The following TUSC3 variants were observed in gnomAD, a reference collection of about 807,000 sequenced individuals.
TUSC3 encodes the protein tumor suppressor candidate 3.
In TUSC3, 45 loss-of-function variants were observed where a neutral mutation model predicts 44.8. The observed-to-expected ratio is 1.00, with a 90% CI of 0.79 to 1.29. The LOEUF (loss-of-function observed/expected upper bound fraction) is 1.29. TUSC3 is among the 50% of genes most tolerant of loss of function. The pLI is 0.00. For missense variants in TUSC3, 519 were observed against 437.9 expected, an observed-to-expected ratio of 1.19 and a Z score of -1.65; for synonymous variants, 212 against 152.9, an observed-to-expected ratio of 1.39 and a Z score of -2.85.
chr8:15,699,190 CTG>C lies in TUSC3; in HGVS notation c.798+25356_798+25357del, dbSNP rs561339395. 2.6e-3 allele frequency among the ~76,000 whole-genome samples: 400 copies of C among 152,270 alleles called. 2 individuals are homozygous for C. The highest frequency in any genetic ancestry group is 9.2e-3 in the African/African-American group (384 of 41,544). ...AAATGAACAATTTTTTAAAAATACA[CTG>C]TAAATATAACTAGCAATCATTTAAC... On this transcript the variant is annotated intron_variant, in intron 6 of 10. Transcript: ENST00000503731.
At chr8:15,831,888 G>C in the TUSC3 span, among the ~76,000 whole-genome samples, 1 of 152,252 alleles carries the variant, frequency 6.6e-6, no homozygotes, top group East Asian at 1.9e-4. Context: ...TTATCCATGA[G>C]AACGTCCCCA....
At chr8:15,568,322 G>C (rs537812266) in intron 1 of TUSC3, among the ~76,000 whole-genome samples, 1 of 152,202 alleles carries the variant, frequency 6.6e-6, no homozygotes, top group East Asian at 1.9e-4. Context: ...CATCAATGCA[G>C]AAATAAACAA....
intron 2 of TUSC3, among the ~76,000 whole-genome samples, chr8:15,534,378 G>C (rs546232431): frequency 6.6e-6 from 1 of 151,966 alleles, no homozygotes; most frequent in Non-Finnish European, 1.5e-5. Context: ...GCGCGGTGAC[G>C]CACACCTGTA....
At chr8:15,497,758 T>A (rs1363374210) in intron 2 of TUSC3, among the ~76,000 whole-genome samples, 2 of 152,038 alleles carry the variant, frequency 1.3e-5, no homozygotes, top group African/African-American at 4.8e-5. Flanking sequence ...TCTTTTTCTT[T>A]TTTTGAGACA....
chr8:15,448,132 T>TATATA (rs1554502647), intron 1 of TUSC3, among the ~76,000 whole-genome samples: 1 of 144,626 alleles, frequency 6.9e-6, no homozygotes, highest in Non-Finnish European at 1.5e-5. Context: ...TATTTATTTA[T>TATATA]TTTTTAGATG....
At chr8:15,550,056 C>G (rs904699822) in intron 1 of TUSC3, among the ~76,000 whole-genome samples, 3 of 151,700 alleles carry the variant, frequency 2.0e-5, no homozygotes, top group Non-Finnish European at 4.4e-5. Flanking sequence ...CTGGGGGCTG[C>G]TCACACCTGC....
chr8:15,828,255 G>A, the TUSC3 span, among the ~76,000 whole-genome samples: 74 of 152,138 alleles, frequency 4.9e-4, no homozygotes, highest in African/African-American at 1.7e-3. Flanking sequence ...TTGGCCTCCC[G>A]AAGTGCTGGG....
intron 1 of TUSC3, among the ~76,000 whole-genome samples, chr8:15,465,485 A>C (rs1800402533): frequency 6.6e-6 from 1 of 152,224 alleles, no homozygotes; most frequent in Non-Finnish European, 1.5e-5. Context: ...AACAATGATC[A>C]ACAAACATTA....
At chr8:15,439,071 A>C (rs1216745887) in intron 1 of TUSC3, among the ~76,000 whole-genome samples, 1 of 152,140 alleles carries the variant, frequency 6.6e-6, no homozygotes, top group Non-Finnish European at 1.5e-5. Context: ...CGGCACTGTG[A>C]CCTTAGTCTG....
intron 8 of TUSC3, 79 bp downstream of exon 8, chr8:15,743,691 GC>G: frequency 6.8e-7 from 1 of 1,473,920 alleles, no homozygotes; most frequent in Admixed American, 1.7e-5. Context: ...ATACATAAAA[GC>G]CCTTTGTAAA....
At chr8:15,458,022 G>C (rs987859525) in intron 1 of TUSC3, among the ~76,000 whole-genome samples, 1 of 151,808 alleles carries the variant, frequency 6.6e-6, no homozygotes, top group Non-Finnish European at 1.5e-5. Flanking sequence ...AGTTAAAAAG[G>C]CCAAATAATT....
intron 1 of TUSC3, among the ~76,000 whole-genome samples, chr8:15,572,945 T>C (rs1367646844): frequency 6.6e-6 from 1 of 151,834 alleles, no homozygotes; most frequent in Non-Finnish European, 1.5e-5. Flanking sequence ...CAAATAATAA[T>C]AATGAAGAAG....
intron 1 of TUSC3, among the ~76,000 whole-genome samples, chr8:15,584,926 A>G (rs765590879): frequency 2.6e-5 from 4 of 152,200 alleles, no homozygotes; most frequent in Non-Finnish European, 5.9e-5. Context: ...TGTAGTTTAT[A>G]TTGTAGGAGA....
chr8:15,460,402 CT>C (rs1800329119), intron 1 of TUSC3, among the ~76,000 whole-genome samples: 1 of 151,726 alleles, frequency 6.6e-6, no homozygotes, highest in Non-Finnish European at 1.5e-5. Context: ...TTTTTTATCG[CT>C]GATTTAAGTT....
chr8:15,837,886 T>C, the TUSC3 span, among the ~76,000 whole-genome samples: 125,007 of 152,216 alleles, frequency 0.82, 51,566 homozygotes, highest in Non-Finnish European at 0.85. Flanking sequence ...TTTAAAATTA[T>C]TTATCAGTTT....
chr8:15,655,684 T>G (rs1290161179), intron 3 of TUSC3, among the ~76,000 whole-genome samples: 1 of 152,184 alleles, frequency 6.6e-6, no homozygotes, highest in Non-Finnish European at 1.5e-5. Flanking sequence ...ATGAATTCTT[T>G]CCTTTGAGGA....
chr8:15,576,450 T>C (rs1469814964), intron 1 of TUSC3, among the ~76,000 whole-genome samples: 9 of 112,832 alleles, frequency 8.0e-5, no homozygotes, highest in African/African-American at 2.9e-4. Context: ...CCCAATGCTA[T>C]CCCTCCCCCC....
chr8:15,476,061 G>C (rs1349751256), intron 1 of TUSC3, among the ~76,000 whole-genome samples: 5 of 152,136 alleles, frequency 3.3e-5, no homozygotes, highest in African/African-American at 7.2e-5. Context: ...CTCCTACTTA[G>C]AAATTTCATT....
At position 15,543,636 on chromosome 8, in the gene TUSC3, A is replaced by G. The variant is rs562778479; in HGVS notation, c.138+3068A>G. Among the ~76,000 whole-genome samples the G allele has an allele frequency of 2.6e-5, 4 of 152,100 alleles. No individual in the cohort carries two copies. The South Asian group carries it at 6.2e-4, about 24-fold the overall frequency. On this transcript the variant is annotated intron_variant, in intron 1 of 10. Coordinates refer to ENST00000503731, the MANE Select transcript of TUSC3 (RefSeq NM_006765.4). ...AAATGCTTAGTGCAATGCGTAGGAT[A>G]TAATAAATGGTCACTAAGTGGTAGC...
Sources: gnomAD v4.1 joint callset for allele counts (sites outside exome capture counted in the v4.1 genomes callset) on GRCh38, gnomAD v4.1.1 for gene constraint, MANE v1.5 for transcripts, NCBI Gene and HGNC (gene_info 2026-07-23, HGNC 2026-07-21) for gene names.